Variants in PAX5 observed in about 807,000 individuals in gnomAD.
PAX5 encodes the protein paired box protein Pax-5.
PAX5 carries 9 observed loss-of-function variants against 43.7 expected under a neutral mutation model. That is an observed-to-expected ratio of 0.21 (90% CI 0.12 to 0.36). PAX5 has a LOEUF of 0.36. Ranked by LOEUF, PAX5 falls within the 10% of genes least tolerant of loss-of-function variation. The pLI, the probability that PAX5 is intolerant of heterozygous loss-of-function variation, is 1.00. For synonymous variants in PAX5, 228 were observed against 214.3 expected (o/e 1.06, Z -0.56); for missense variants, 383 against 532.7 (o/e 0.72, Z 2.77).
intron 1 of PAX5, among the ~76,000 whole-genome samples, chr9:37,028,759 C>G (rs918981970): frequency 1.1e-4 from 17 of 152,218 alleles, no homozygotes; most frequent in Non-Finnish European, 1.9e-4. Context: ...AGCGGCCAGG[C>G]GCGCTGCAAT....
At chr9:36,957,002 G>A (rs1833538771) in intron 6 of PAX5, among the ~76,000 whole-genome samples, 1 of 119,954 alleles carries the variant, frequency 8.3e-6, no homozygotes, top group South Asian at 3.4e-4. Flanking sequence ...GGGGACAACT[G>A]GGATGAGAAG....
intron 6 of PAX5, among the ~76,000 whole-genome samples, chr9:36,954,325 A>T (rs1283758027): frequency 6.6e-6 from 1 of 152,248 alleles, no homozygotes; most frequent in Non-Finnish European, 1.5e-5. Flanking sequence ...CTTATTGTAA[A>T]GATCAGAGTA....
At chr9:36,892,072 C>T (rs1827443687) in intron 7 of PAX5, among the ~76,000 whole-genome samples, 1 of 152,176 alleles carries the variant, frequency 6.6e-6, no homozygotes, top group African/African-American at 2.4e-5. Flanking sequence ...TGACACCAGC[C>T]CCCGGAACCA....
rs1314703390 is a variant in PAX5 at position 36,836,922 on chromosome 9, G to C, written c.*3638C>G. On this transcript the variant is annotated 3_prime_UTR_variant, in exon 10 of 10. Coordinates refer to ENST00000358127, the MANE Select transcript of PAX5 (RefSeq NM_016734.3). Reference sequence around the variant, plus strand: ...CCCTCTGAACCTCAGGGACAGCTGGGAAAGAGTCTGGATGAAACCTCAGAA... The same window carrying C: ...CCCTCTGAACCTCAGGGACAGCTGGCAAAGAGTCTGGATGAAACCTCAGAA... 2 of 232,584 alleles carry C rather than the reference G, an allele frequency of 8.6e-6. No individual in the cohort carries two copies. Among genetic ancestry groups the C allele is most frequent in the Non-Finnish European group, 1.7e-5 (2 of 117,658 alleles). 14.4% of individuals were successfully genotyped at this position (232,584 alleles called of 1,614,324 possible). A position where few individuals can be genotyped will look rare whatever the true frequency, so the allele number is the denominator to read the frequency against.
chr9:36,928,587 A>G (rs1343629000), intron 6 of PAX5, among the ~76,000 whole-genome samples: 1 of 152,182 alleles, frequency 6.6e-6, no homozygotes, highest in African/African-American at 2.4e-5. Flanking sequence ...GTTCAGTAGC[A>G]TGTTATGAGC....
chr9:37,016,398 C>T (rs1228108772), intron 2 of PAX5, among the ~76,000 whole-genome samples: 1 of 152,158 alleles, frequency 6.6e-6, no homozygotes, highest in Non-Finnish European at 1.5e-5. Context: ...AAAAACCAAC[C>T]ACAAGTCACG....
chr9:37,033,168 T>G (rs1841157087), intron 1 of PAX5, among the ~76,000 whole-genome samples: 1 of 152,348 alleles, frequency 6.6e-6, no homozygotes, highest in Non-Finnish European at 1.5e-5. Flanking sequence ...GTACAAATGG[T>G]AGCCTGAACA....
chr9:37,015,767 C>T lies in PAX5; in HGVS notation c.213-573G>A, dbSNP rs1016183986. On this transcript the variant is annotated intron_variant, in intron 2 of 9. Transcript: ENST00000358127. The surrounding 1 kb of genome is among the most constrained non-coding windows in gnomAD (Gnocchi z 4.4). ...GCTAATTTTGTATTTTTAGTAGAGACGGGGGTTTCACCATGTTAGTCAGGC... is the reference window on the plus strand; with the variant it reads ...GCTAATTTTGTATTTTTAGTAGAGATGGGGGTTTCACCATGTTAGTCAGGC... Among the ~76,000 whole-genome samples, 5 of 151,866 alleles carry T rather than the reference C, an allele frequency of 3.3e-5. No individual in the cohort carries two copies. The highest frequency in any genetic ancestry group is 1.9e-4 in the East Asian group (1 of 5,172).
intron 4 of PAX5, 164 bp from the exon 5 acceptor site, chr9:37,002,940 G>A (rs1838033899): frequency 5.2e-6 from 4 of 770,172 alleles, no homozygotes; most frequent in Middle Eastern, 3.9e-4. Context: ...TGAGCCACGA[G>A]CGCAGGCCTC....
intron 7 of PAX5, among the ~76,000 whole-genome samples, chr9:36,883,297 T>C (rs1826614500): frequency 6.6e-6 from 1 of 152,152 alleles, no homozygotes; most frequent in Non-Finnish European, 1.5e-5. Flanking sequence ...AGAAGATCAG[T>C]GCCTCACCAA....
intron 7 of PAX5, among the ~76,000 whole-genome samples, chr9:36,895,304 C>A (rs1362578129): frequency 6.6e-6 from 1 of 152,240 alleles, no homozygotes; most frequent in African/African-American, 2.4e-5. Flanking sequence ...GTGGCCAGCA[C>A]TGGGATCTTT....
intron 6 of PAX5, among the ~76,000 whole-genome samples, chr9:36,963,351 T>C (rs149706038): frequency 2.0e-5 from 3 of 152,272 alleles, no homozygotes; most frequent in African/African-American, 7.2e-5. Context: ...CATCTCTCCA[T>C]GAGCCCATGG....
chr9:36,873,848 A>G (rs993294336), intron 8 of PAX5, among the ~76,000 whole-genome samples: 27 of 152,150 alleles, frequency 1.8e-4, no homozygotes, highest in Non-Finnish European at 2.1e-4. Flanking sequence ...GGCCCTCTGA[A>G]TCCTGTTCAC....
chr9:36,838,536 T>A lies in PAX5; in HGVS notation c.*2024A>T, dbSNP rs1442950712. 4.3e-6 allele frequency: 1 copy of A among 232,948 alleles called. No homozygotes were observed. The highest frequency in any genetic ancestry group is 8.5e-6 in the Non-Finnish European group (1 of 117,958). 14.4% of individuals were successfully genotyped at this position (232,948 alleles called of 1,614,324 possible). ...TAGCGGTGGCCAGAGGAAGTCTGCTTTTTCTCCCTGCATGGTCCTGGCCTT... is the reference window on the plus strand; with the variant it reads ...TAGCGGTGGCCAGAGGAAGTCTGCTATTTCTCCCTGCATGGTCCTGGCCTT... On this transcript the variant is annotated 3_prime_UTR_variant, in exon 10 of 10. Transcript: ENST00000358127.
chr9:36,868,178 G>T (rs1284773221), intron 8 of PAX5, among the ~76,000 whole-genome samples: 2 of 152,252 alleles, frequency 1.3e-5, no homozygotes, highest in African/African-American at 4.8e-5. Context: ...AAGAAGGACT[G>T]GGGGCGTGCC....
chr9:36,958,144 C>T (rs1833647956), intron 6 of PAX5, among the ~76,000 whole-genome samples: 1 of 152,174 alleles, frequency 6.6e-6, no homozygotes, highest in Non-Finnish European at 1.5e-5. Flanking sequence ...CAGAAATGCA[C>T]TGATTAGCAT....
intron 5 of PAX5, among the ~76,000 whole-genome samples, chr9:36,970,124 T>C (rs1055577456): frequency 6.6e-6 from 1 of 152,070 alleles, no homozygotes; most frequent in African/African-American, 2.4e-5. Context: ...GGAATAAACA[T>C]AGGATTACAA....
intron 8 of PAX5, among the ~76,000 whole-genome samples, chr9:36,871,378 C>A (rs1326072290): frequency 6.6e-6 from 1 of 152,166 alleles, no homozygotes; most frequent in Admixed American, 6.5e-5. Flanking sequence ...CTCAGGACAC[C>A]CTCACTTTGG....
At chr9:37,026,983 G>A (rs1373160858) in intron 1 of PAX5, among the ~76,000 whole-genome samples, 1 of 152,194 alleles carries the variant, frequency 6.6e-6, no homozygotes, top group Non-Finnish European at 1.5e-5. Context: ...CGGAACAATC[G>A]GCCCTTGACT....
Sources: gnomAD v4.1 joint callset for allele counts (sites outside exome capture counted in the v4.1 genomes callset) on GRCh38, gnomAD v4.1.1 for gene constraint, Gnocchi (gnomAD v3.1) non-coding constraint, MANE v1.5 for transcripts, NCBI Gene and HGNC (gene_info 2026-07-23, HGNC 2026-07-21) for gene names.